The following CRTC3 variants were observed in gnomAD, a reference collection of about 807,000 sequenced individuals.
The protein encoded by CRTC3 is CREB regulated transcription coactivator 3, also known as CREB-regulated transcription coactivator 3.
A neutral mutation model predicts 74.5 loss-of-function variants in CRTC3; 26 were observed. The observed-to-expected ratio is 0.35, with a 90% CI of 0.26 to 0.48. CRTC3 has a LOEUF of 0.48. Ranked by LOEUF, CRTC3 falls within the 20% of genes least tolerant of loss-of-function variation. The pLI is 0.99. For synonymous variants in CRTC3, 377 were observed against 325.8 expected, an observed-to-expected ratio of 1.16 and a Z score of -1.69; for missense variants, 760 against 787.3, an observed-to-expected ratio of 0.97 and a Z score of 0.41.
chr15:90,625,924 A>G lies in CRTC3; in HGVS notation c.898A>G (p.Met300Val). The G allele has an allele frequency of 6.2e-7, 1 of 1,614,222 alleles. No individual in the cohort carries two copies. The highest frequency in any genetic ancestry group is 8.5e-7 in the Non-Finnish European group (1 of 1,180,032). Residue 300 changes from methionine (M) to valine (V), a missense_variant, in exon 10 of 15, where the codon ATG becomes GTG. This residue lies in a region of CRTC3 where 652 missense variants were observed against 635.2 expected (regional missense o/e 1.03). Transcript: ENST00000268184. Reference sequence around the variant, plus strand: ...CACCACCGACCACCACTTTGGCAGTATGAGTGTGGGGAATAGTGTGAACAA... The same window carrying G: ...CACCACCGACCACCACTTTGGCAGTGTGAGTGTGGGGAATAGTGTGAACAA... ...LDTTDHHFGS[M>V]SVGNSVNNIP...
At chr15:90,545,246 A>G (rs1966842302) in intron 2 of CRTC3, among the ~76,000 whole-genome samples, 1 of 152,182 alleles carries the variant, frequency 6.6e-6, no homozygotes, top group East Asian at 1.9e-4. Flanking sequence ...TTCATCCGCT[A>G]ATGGATACTT....
intron 2 of CRTC3, among the ~76,000 whole-genome samples, chr15:90,543,321 G>A (rs1295078978): frequency 8.4e-6 from 1 of 118,376 alleles, no homozygotes; most frequent in Non-Finnish European, 1.9e-5. Context: ...AAAAAAAAAG[G>A]TGGCCTGTCT....
intron 2 of CRTC3, among the ~76,000 whole-genome samples, chr15:90,559,573 T>G (rs1433984125): frequency 1.3e-5 from 2 of 152,366 alleles, no homozygotes; most frequent in Admixed American, 1.3e-4. Context: ...TTTTCATGTA[T>G]ATTTTCCTGA....
rs1271213717 is a variant in CRTC3 at position 90,642,828 on chromosome 15, T to A, written c.*688T>A. 1 of 232,750 alleles carries A rather than the reference T, an allele frequency of 4.3e-6. No individual in the cohort carries two copies. Among genetic ancestry groups the A allele is most frequent in the Non-Finnish European group, 8.5e-6 (1 of 117,652 alleles). The allele number at this position is 232,750 out of a possible 1,614,324, so 14.4% of individuals were successfully genotyped here. ...GACCAGAGGAAGAGGAAGACCATTT[T>A]ATCAGTCACTGAAAAGAGTCCCCTG... On this transcript the variant is annotated 3_prime_UTR_variant, in exon 15 of 15. Transcript: ENST00000268184.
intron 13 of CRTC3, among the ~76,000 whole-genome samples, chr15:90,639,640 G>T (rs1436525682): frequency 1.3e-5 from 2 of 151,092 alleles, no homozygotes; most frequent in South Asian, 2.1e-4. Flanking sequence ...AGTAGAGATG[G>T]GGTTTCACTT....
chr15:90,535,486 C>T (rs763682192), intron 1 of CRTC3, among the ~76,000 whole-genome samples: 11 of 151,952 alleles, frequency 7.2e-5, no homozygotes, highest in African/African-American at 1.5e-4. Context: ...AATTGTGAGA[C>T]GTTGAGGAGT....
chr15:90,620,176 A>G (rs1021989809), intron 9 of CRTC3: 5 of 224,718 alleles, frequency 2.2e-5, no homozygotes, highest in Admixed American at 1.1e-4. Context: ...AAAGGGAAGC[A>G]TCAGTTCACC....
At chr15:90,628,462 C>G (rs952534495) in intron 10 of CRTC3, among the ~76,000 whole-genome samples, 6 of 152,174 alleles carry the variant, frequency 3.9e-5, no homozygotes, top group Non-Finnish European at 8.8e-5. Context: ...CGAACCTGCT[C>G]CATGCCAGGC....
At chr15:90,617,838 C>G (rs778300144) in intron 7 of CRTC3, 45 bp from the exon 8 acceptor site, 2 of 1,367,718 alleles carry the variant, frequency 1.5e-6, no homozygotes, top group Non-Finnish European at 2.1e-6. Context: ...GCCTGGATTC[C>G]TGCCTTCTCA....
chr15:90,572,499 G>A (rs1400852650), intron 2 of CRTC3, among the ~76,000 whole-genome samples: 1 of 152,084 alleles, frequency 6.6e-6, no homozygotes, highest in Non-Finnish European at 1.5e-5. Context: ...CCCTGTTAAG[G>A]TGATATCAAT....
chr15:90,617,838 C>T (rs778300144), intron 7 of CRTC3, 45 bp from the exon 8 acceptor site: 15 of 1,367,600 alleles, frequency 1.1e-5, no homozygotes, highest in African/African-American at 2.9e-5. Flanking sequence ...GCCTGGATTC[C>T]TGCCTTCTCA....
intron 9 of CRTC3, among the ~76,000 whole-genome samples, chr15:90,621,175 AAAACAAAAAC>A (rs1968639729): frequency 6.6e-6 from 1 of 151,904 alleles, no homozygotes; most frequent in Non-Finnish European, 1.5e-5. Flanking sequence ...AACAAAAACA[AAAACAAAAAC>A]AAACATTTTC....
intron 6 of CRTC3, 192 bp from the exon 7 acceptor site, chr15:90,614,261 T>C: frequency 3.9e-6 from 2 of 510,922 alleles, no homozygotes. Context: ...GAACCAAATT[T>C]AGTTTCAAAT....
intron 7 of CRTC3, 46 bp downstream of exon 7, chr15:90,614,534 A>G: frequency 7.6e-7 from 1 of 1,314,512 alleles, no homozygotes; most frequent in Non-Finnish European, 1.1e-6. Context: ...GATGCTGATT[A>G]GTGGACATAA....
chr15:90,555,087 G>T (rs962087927), intron 2 of CRTC3, among the ~76,000 whole-genome samples: 1 of 152,118 alleles, frequency 6.6e-6, no homozygotes, highest in African/African-American at 2.4e-5. Flanking sequence ...AGTGCTTTGT[G>T]TGGGGGCAGA....
At chr15:90,632,054 A>G (rs1247629382) in intron 11 of CRTC3, among the ~76,000 whole-genome samples, 1 of 145,668 alleles carries the variant, frequency 6.9e-6, no homozygotes, top group South Asian at 2.2e-4. Context: ...GGTGTATACC[A>G]TCACACCCGA....
At chr15:90,545,640 G>A (rs1211815789) in intron 2 of CRTC3, among the ~76,000 whole-genome samples, 1 of 151,678 alleles carries the variant, frequency 6.6e-6, no homozygotes, top group South Asian at 2.1e-4. Flanking sequence ...GCAGTGGCAC[G>A]ATCTCGGCTC....
At chr15:90,575,162 C>T (rs929852909) in intron 2 of CRTC3, among the ~76,000 whole-genome samples, 3 of 152,098 alleles carry the variant, frequency 2.0e-5, no homozygotes, top group African/African-American at 7.2e-5. Context: ...CCAGCCTGGC[C>T]AACTGAGTGA....
At chr15:90,593,109 C>G (rs9806207) in intron 2 of CRTC3, among the ~76,000 whole-genome samples, 5 of 152,080 alleles carry the variant, frequency 3.3e-5, no homozygotes, top group Non-Finnish European at 5.9e-5. Context: ...GCTGAGATCA[C>G]GCCATTGCAC....
Sources: gnomAD v4.1 joint callset for allele counts (sites outside exome capture counted in the v4.1 genomes callset) on GRCh38, gnomAD v4.1.1 for gene constraint, gnomAD v4.1.1 regional missense constraint, MANE v1.5 for transcripts, NCBI Gene and HGNC (gene_info 2026-07-23, HGNC 2026-07-21) for gene names.